GNPDA2: variants seen among roughly 807,000 people sequenced by gnomAD.
GNPDA2 encodes glucosamine-6-phosphate deaminase 2, also known as glcN6P deaminase 2.
A neutral mutation model predicts 27.0 loss-of-function variants in GNPDA2; 24 were observed. The observed-to-expected ratio is 0.89, with a 90% CI of 0.64 to 1.25. The LOEUF (loss-of-function observed/expected upper bound fraction) is 1.25, where lower values mean the gene tolerates loss of function less well. GNPDA2 is among the 50% of genes most tolerant of loss of function. The probability of loss-of-function intolerance (pLI) is 0.00; values close to 1 mark genes in which losing one functional copy is unlikely to be tolerated. For missense variants in GNPDA2, 286 were observed against 335.1 expected, an observed-to-expected ratio of 0.85 and a Z score of 1.14; for synonymous variants, 94 against 108.4, an observed-to-expected ratio of 0.87 and a Z score of 0.83.
chr4:44,705,403 C>A, intron 6 of GNPDA2: 1 of 984,894 alleles, frequency 1.0e-6, no homozygotes. Flanking sequence ...CAGGCTGATA[C>A]CCTGAAACCT....
intron 5 of GNPDA2, among the ~76,000 whole-genome samples, chr4:44,709,037 CT>C (rs1435681762): frequency 6.6e-6 from 1 of 151,992 alleles, no homozygotes; most frequent in Non-Finnish European, 1.5e-5. Context: ...ATTACATTGC[CT>C]CTTGTAAAAG....
At chr4:44,714,751 T>C (rs1032883985) in intron 4 of GNPDA2, 5 of 720,506 alleles carry the variant, frequency 6.9e-6, no homozygotes, top group Non-Finnish European at 8.5e-6. Flanking sequence ...AATGAGATTC[T>C]TTCATGAATA....
chr4:44,716,712 G>A (rs1390645015), intron 4 of GNPDA2, among the ~76,000 whole-genome samples: 1 of 151,858 alleles, frequency 6.6e-6, no homozygotes, highest in Non-Finnish European at 1.5e-5. Context: ...TGTTCCTCAT[G>A]CAAACGTTTA....
intron 2 of GNPDA2, among the ~76,000 whole-genome samples, chr4:44,718,717 C>A (rs7687026): frequency 0.53 from 79,683 of 151,414 alleles, 22,372 homozygotes; most frequent in Non-Finnish European, 0.64. Flanking sequence ...ATATAACTGA[C>A]TTTTTAAAAA....
chr4:44,722,217 G>GCTTGT lies in GNPDA2; in HGVS notation c.-11_-10insACAAG. On this transcript the variant is annotated 5_prime_UTR_variant, in exon 2 of 7. Transcript: ENST00000295448. ...GAATTACAAGCCTCATTACGGTGAC[G>GCTTGT]CACAGCTTCCAGAACAAGTTCAAAC... is the stretch of plus-strand genomic sequence containing the variant. 3.7e-6 allele frequency: 6 copies of GCTTGT among 1,612,278 alleles called. No individual in the cohort carries two copies. The highest frequency in any genetic ancestry group is 5.1e-6 in the Non-Finnish European group (6 of 1,178,996).
At chr4:44,722,686 G>A (rs968606365) in intron 1 of GNPDA2, among the ~76,000 whole-genome samples, 1 of 152,150 alleles carries the variant, frequency 6.6e-6, no homozygotes. Flanking sequence ...GTATATGGGA[G>A]TATGGGTGCA....
intron 5 of GNPDA2, 101 bp from the exon 6 acceptor site, chr4:44,708,027 A>C: frequency 5.4e-6 from 4 of 734,422 alleles, no homozygotes; most frequent in Non-Finnish European, 8.6e-6. Flanking sequence ...TTTTTCTGAG[A>C]GAAAGAAAAA....
rs1018165025 is a variant in GNPDA2 at position 44,702,519 on chromosome 4, T to C, written c.*562A>G. The C allele has an allele frequency of 1.1e-5, 11 of 986,064 alleles. No individual in the cohort carries two copies. Among genetic ancestry groups the C allele is most frequent in the African/African-American group, 1.7e-5 (1 of 57,252 alleles). The allele number at this position is 986,064 out of a possible 1,614,324, so 61.1% of individuals were successfully genotyped here. ...TCCAAAAGGATGTAAACTGTACTTT[T>C]AGGCACTGTCATCTCTTCAAATTTC... On this transcript the variant is annotated 3_prime_UTR_variant, in exon 7 of 7. Coordinates refer to ENST00000295448, the MANE Select transcript of GNPDA2 (RefSeq NM_138335.3).
chr4:44,720,608 G>A (rs778218489), intron 2 of GNPDA2, among the ~76,000 whole-genome samples: 5 of 152,068 alleles, frequency 3.3e-5, no homozygotes, highest in African/African-American at 7.2e-5. Context: ...CAGAAATTGC[G>A]CTTGATAGGG....
At chr4:44,726,060 G>A (rs1370289554) in intron 1 of GNPDA2, among the ~76,000 whole-genome samples, 2 of 152,166 alleles carry the variant, frequency 1.3e-5, no homozygotes, top group Non-Finnish European at 2.9e-5. Flanking sequence ...ACCCGAGGAG[G>A]GACGAGAGAC....
At chr4:44,720,311 G>T (rs1309786536) in intron 2 of GNPDA2, among the ~76,000 whole-genome samples, 1 of 152,078 alleles carries the variant, frequency 6.6e-6, no homozygotes, top group African/African-American at 2.4e-5. Context: ...ATGTCATATG[G>T]CTGTGAAACC....
intron 4 of GNPDA2, chr4:44,714,286 T>G: frequency 1.0e-6 from 1 of 985,040 alleles, no homozygotes; most frequent in Non-Finnish European, 1.2e-6. Context: ...CTAGATTTTA[T>G]TTTTAAAAAT....
intron 6 of GNPDA2, 52 bp downstream of exon 6, chr4:44,707,700 A>C (rs1446925516): frequency 1.3e-6 from 2 of 1,504,456 alleles, no homozygotes; most frequent in Non-Finnish European, 1.8e-6. Flanking sequence ...GTAAGTTTTA[A>C]TTGTCACTCA....
At position 44,702,258 on chromosome 4, in the gene GNPDA2, C is replaced by A; in HGVS notation, c.*823G>T. 1.6e-6 allele frequency: 1 copy of A among 607,542 alleles called. No individual in the cohort carries two copies. The highest frequency in any genetic ancestry group is 2.1e-6 in the Non-Finnish European group (1 of 484,410). 37.6% of individuals were successfully genotyped at this position (607,542 alleles called of 1,614,324 possible). On this transcript the variant is annotated 3_prime_UTR_variant, in exon 7 of 7. Transcript: ENST00000295448. ...ACAGTAATTCCTTTTATATATACTTCGTATTATTCTTTTAGACATTTTATA... is the reference window on the plus strand; with the variant it reads ...ACAGTAATTCCTTTTATATATACTTAGTATTATTCTTTTAGACATTTTATA...
At chr4:44,718,988 T>C (rs1247497940) in intron 2 of GNPDA2, among the ~76,000 whole-genome samples, 1 of 151,976 alleles carries the variant, frequency 6.6e-6, no homozygotes, top group African/African-American at 2.4e-5. Context: ...AAAGAAGTTA[T>C]TTTTGCTTAA....
chr4:44,706,348 A>C (rs1229611123), intron 6 of GNPDA2: 2 of 151,986 alleles, frequency 1.3e-5, no homozygotes, highest in East Asian at 3.8e-4. Context: ...ATTATGATTT[A>C]TGTACTTAAC....
rs139137145 is a variant in GNPDA2 at position 44,714,398 on chromosome 4, A to G, written c.409+2715T>C. ...TTGCCATCAGAGGAGGAATTAGAACATTTGAGTATGTATTTCCTCCTTTTT... is the reference window on the plus strand; with the variant it reads ...TTGCCATCAGAGGAGGAATTAGAACGTTTGAGTATGTATTTCCTCCTTTTT... On this transcript the variant is annotated intron_variant, in intron 4 of 6. Coordinates refer to ENST00000295448, the MANE Select transcript of GNPDA2 (RefSeq NM_138335.3). 4 of 985,392 alleles carry G rather than the reference A, an allele frequency of 4.1e-6. No homozygotes were observed. In the African/African-American group the frequency reaches 7.0e-5, roughly 17 times the overall value. The allele number at this position is 985,392 out of a possible 1,614,324, so 61.0% of individuals were successfully genotyped here. A position where few individuals can be genotyped will look rare whatever the true frequency, so the allele number is the denominator to read the frequency against.
chr4:44,725,437 C>T (rs770796421), intron 1 of GNPDA2, among the ~76,000 whole-genome samples: 66 of 152,152 alleles, frequency 4.3e-4, no homozygotes, highest in Non-Finnish European at 9.0e-4. Flanking sequence ...CACAGTGTTT[C>T]AAAAGATCTG....
intron 3 of GNPDA2, among the ~76,000 whole-genome samples, 189 bp from the exon 4 acceptor site, chr4:44,717,484 T>G (rs1416679108): frequency 6.6e-6 from 1 of 151,838 alleles, no homozygotes; most frequent in African/African-American, 2.4e-5. Context: ...CATTAATTGA[T>G]AAAACATCTA....
Sources: allele counts gnomAD v4.1 joint callset (sites outside exome capture counted in the v4.1 genomes callset), GRCh38; gene constraint gnomAD v4.1.1; transcripts MANE v1.5; gene names NCBI Gene and HGNC (gene_info 2026-07-23, HGNC 2026-07-21).